Variants in KCNIP1 observed in about 807,000 individuals in gnomAD.
KCNIP1 encodes the protein potassium voltage-gated channel interacting protein 1.
Under a neutral mutation model 33.0 loss-of-function variants are expected in KCNIP1, and 18 were observed. The observed-to-expected ratio is 0.55, with a 90% CI of 0.38 to 0.81. The LOEUF is 0.81. KCNIP1 is among the 30% of genes least tolerant of loss of function. KCNIP1 has a pLI of 0.00. For synonymous variants in KCNIP1, 93 were observed against 98.3 expected (o/e 0.95, Z 0.32); for missense variants, 238 against 271.6 (o/e 0.88, Z 0.87).
chr5:170,489,218 A>T lies in KCNIP1; in HGVS notation c.88+135254A>T, dbSNP rs1377719560. Among the ~76,000 whole-genome samples the T allele has an allele frequency of 6.6e-6, 1 of 152,186 alleles. No homozygotes were observed. Among genetic ancestry groups the T allele is most frequent in the Non-Finnish European group, 1.5e-5 (1 of 68,022 alleles). ...GTAGGGGACGATGACTCCATCTGTC[A>T]CCTCGGCACTTACCCCAAAAGATGG... On this transcript the variant is annotated intron_variant, in intron 1 of 7. Coordinates refer to the KCNIP1 transcript ENST00000377360. The surrounding 1 kb of genome is among the most constrained non-coding windows in gnomAD (Gnocchi z 4.3).
rs529691683 is a variant in KCNIP1, at chr5:170,401,858, T to C, written c.88+47894T>C. ...GGCTCCCTACGGTACTTTCATAGAG[T>C]TGCTGTGACACAAATCACTACAAAC... On this transcript the variant is annotated intron_variant, in intron 1 of 7. Coordinates refer to the KCNIP1 transcript ENST00000377360. Among the ~76,000 whole-genome samples, 4 of 151,822 alleles carry C rather than the reference T, an allele frequency of 2.6e-5. No individual in the cohort carries two copies. The East Asian group carries it at 5.8e-4, about 22-fold the overall frequency.
rs191638101 is a variant in KCNIP1, at chr5:170,618,166, G to C, written c.62-100592G>C. On this transcript the variant is annotated intron_variant, in intron 1 of 7. Transcript: ENST00000328939. Reference sequence around the variant, plus strand: ...CTCATTATAAATGATGTAAACATCCGGGCGTAATCACAGACAAAATGGGAT... The same window carrying C: ...CTCATTATAAATGATGTAAACATCCCGGCGTAATCACAGACAAAATGGGAT... 1.6e-3 allele frequency among the ~76,000 whole-genome samples: 251 copies of C among 152,220 alleles called. 1 individual carries two copies. Among genetic ancestry groups the C allele is most frequent in the African/African-American group, 5.7e-3 (236 of 41,540 alleles).
chr5:170,453,326 G>A (rs1208917321), intron 1 of KCNIP1, among the ~76,000 whole-genome samples: 1 of 152,198 alleles, frequency 6.6e-6, no homozygotes, highest in Non-Finnish European at 1.5e-5. Context: ...AATGGTCTTT[G>A]TCACATCTTC....
In KCNIP1 at chr5:170,538,321, C is replaced by A. The variant is rs550489168; in HGVS notation, c.61+33688C>A. On this transcript the variant is annotated intron_variant, in intron 1 of 7. Coordinates refer to ENST00000328939, the MANE Select transcript of KCNIP1 (RefSeq NM_014592.4). ...ATTAAACAGGGGTGATTTTGTCAGC[C>A]CCACATGGCCTGACAAAGCAGAAAC... is the stretch of plus-strand genomic sequence containing the variant. 1.4e-4 allele frequency among the ~76,000 whole-genome samples: 21 copies of A among 152,232 alleles called. No individual in the cohort carries two copies. In the South Asian group the frequency reaches 1.5e-3, roughly 11 times the overall value.
At chr5:170,575,501 G>T (rs1561695474) in intron 1 of KCNIP1, among the ~76,000 whole-genome samples, 1 of 152,210 alleles carries the variant, frequency 6.6e-6, no homozygotes, top group Non-Finnish European at 1.5e-5. Flanking sequence ...AAAGGGTCTT[G>T]TTAAATAAGA....
intron 1 of KCNIP1, chr5:170,681,338 T>C (rs989020373): frequency 2.6e-6 from 1 of 384,102 alleles, no homozygotes; most frequent in Non-Finnish European, 4.6e-6. Flanking sequence ...GCCTCCCCAG[T>C]CGCGCCCCAG....
chr5:170,602,889 C>T (rs1009839442), intron 1 of KCNIP1, among the ~76,000 whole-genome samples: 7 of 152,208 alleles, frequency 4.6e-5, no homozygotes, highest in Middle Eastern at 3.2e-3. Context: ...TCTGATTCCA[C>T]TGCATGTGGT....
At chr5:170,705,014 T>C (rs915941826) in intron 1 of KCNIP1, among the ~76,000 whole-genome samples, 1 of 152,228 alleles carries the variant, frequency 6.6e-6, no homozygotes, top group Non-Finnish European at 1.5e-5. Flanking sequence ...CTGACATTTA[T>C]AGAAATCAAT....
intron 1 of KCNIP1, among the ~76,000 whole-genome samples, chr5:170,611,050 G>A (rs1256896269): frequency 1.3e-5 from 2 of 152,204 alleles, no homozygotes; most frequent in African/African-American, 4.8e-5. Context: ...GGTATTAAGT[G>A]CCAAAGCCAG....
chr5:170,589,766 T>TGC (rs750243410), intron 1 of KCNIP1, among the ~76,000 whole-genome samples: 4 of 129,782 alleles, frequency 3.1e-5, no homozygotes, highest in South Asian at 2.6e-4. Flanking sequence ...TGGTGTGGTG[T>TGC]GGTGTGGTGT....
intron 1 of KCNIP1, among the ~76,000 whole-genome samples, chr5:170,595,716 A>G (rs775991723): frequency 3.4e-4 from 52 of 152,230 alleles, no homozygotes; most frequent in Non-Finnish European, 6.9e-4. Flanking sequence ...TACAGAGGGC[A>G]AGCTAAAACT....
At chr5:170,652,059 G>A (rs1418590778) in intron 1 of KCNIP1, among the ~76,000 whole-genome samples, 3 of 152,192 alleles carry the variant, frequency 2.0e-5, no homozygotes, top group Admixed American at 6.5e-5. Flanking sequence ...GTCACGCTGA[G>A]CAATGAGGAG....
intron 1 of KCNIP1, among the ~76,000 whole-genome samples, chr5:170,541,013 A>T (rs544259212): frequency 7.2e-5 from 11 of 152,272 alleles, no homozygotes; most frequent in African/African-American, 2.6e-4. Flanking sequence ...GAGATAGACA[A>T]TCTCATATGT....
intron 1 of KCNIP1, among the ~76,000 whole-genome samples, chr5:170,692,432 T>C (rs1411180150): frequency 6.6e-6 from 1 of 152,172 alleles, no homozygotes; most frequent in Non-Finnish European, 1.5e-5. Context: ...CTTCCATCTC[T>C]CTGATATATA....
At chr5:170,364,036 T>C (rs1421464120) in intron 1 of KCNIP1, among the ~76,000 whole-genome samples, 1 of 151,468 alleles carries the variant, frequency 6.6e-6, no homozygotes, top group Non-Finnish European at 1.5e-5. Context: ...GGTCTCACTC[T>C]GTCATCCAAG....
At chr5:170,696,474 A>C (rs1040645943) in intron 1 of KCNIP1, among the ~76,000 whole-genome samples, 1 of 152,160 alleles carries the variant, frequency 6.6e-6, no homozygotes. Context: ...AGCTGCAGGG[A>C]GGGGTCTTGT....
At chr5:170,540,662 C>G (rs1476792679) in intron 1 of KCNIP1, among the ~76,000 whole-genome samples, 12 of 152,188 alleles carry the variant, frequency 7.9e-5, no homozygotes, top group Admixed American at 7.9e-4. Context: ...TCTGAGGCAT[C>G]TGAAATATCA....
chr5:170,526,855 T>C (rs1450926306), intron 1 of KCNIP1, among the ~76,000 whole-genome samples: 1 of 151,884 alleles, frequency 6.6e-6, no homozygotes, highest in African/African-American at 2.4e-5. Flanking sequence ...CCCAAGTAGC[T>C]GGGATTACAG....
At chr5:170,614,758 C>T (rs531255853) in intron 1 of KCNIP1, among the ~76,000 whole-genome samples, 18 of 152,366 alleles carry the variant, frequency 1.2e-4, no homozygotes, top group African/African-American at 4.1e-4. Flanking sequence ...CTCCCATCCA[C>T]CTTCAGCTGG....
Sources: allele counts gnomAD v4.1 joint callset (sites outside exome capture counted in the v4.1 genomes callset), GRCh38; gene constraint gnomAD v4.1.1; non-coding constraint Gnocchi (gnomAD v3.1); transcripts MANE v1.5; gene names NCBI Gene and HGNC (gene_info 2026-07-23, HGNC 2026-07-21).